DDX24: variants seen among roughly 807,000 people sequenced by gnomAD.
DDX24 encodes the protein DEAD-box helicase 24.
In DDX24, 24 loss-of-function variants were observed where a neutral mutation model predicts 68.9. The observed-to-expected ratio is 0.35, with a 90% CI of 0.25 to 0.49. The LOEUF (loss-of-function observed/expected upper bound fraction) is 0.49, where lower values mean the gene tolerates loss of function less well. Among genes scored for constraint, DDX24 ranks in the 20% least tolerant of loss-of-function variants. The pLI, the probability that DDX24 is intolerant of heterozygous loss-of-function variation, is 0.99. For synonymous variants in DDX24, 395 were observed against 385.2 expected (o/e 1.03, Z -0.30); for missense variants, 989 against 1,039.0 (o/e 0.95, Z 0.66).
Position 94,051,201 on chromosome 14 carries a change from C to A in DDX24, c.2570G>T (p.Ser857Ile). Residue 857 changes from serine to isoleucine, a missense_variant, in exon 9 of 9, where the codon AGT (serine) becomes ATT (isoleucine). Physicochemically the swap from Ser to Ile is moderately radical, Grantham distance 142 (BLOSUM62 -2). This residue lies in a region of DDX24 where 691 missense variants were observed against 760.0 expected (regional missense o/e 0.91). Transcript: ENST00000621632. Reference sequence around the variant, plus strand: ...GACACACTTGACCAGTTAATTTGCACTTGTACTTGGCTGTGGCTGTTCCGG... The same window carrying A: ...GACACACTTGACCAGTTAATTTGCAATTGTACTTGGCTGTGGCTGTTCCGG... ...PQPEQPQPST[S>I]AN 6.5e-7 allele frequency: 1 copy of A among 1,542,384 alleles called. No individual in the cohort carries two copies. Among genetic ancestry groups the A allele is most frequent in the Non-Finnish European group, 8.7e-7 (1 of 1,145,550 alleles).
rs140594665 is a variant in DDX24 at position 94,053,005 on chromosome 14, C to T, written c.2301G>A (p.Met767Ile). The T allele has an allele frequency of 6.2e-7, 1 of 1,613,742 alleles. No individual in the cohort carries two copies. The highest frequency in any genetic ancestry group is 1.3e-5 in the African/African-American group (1 of 75,026). Residue 767 changes from methionine to isoleucine, a missense_variant, in exon 8 of 9, where the codon ATG (methionine) becomes ATA (isoleucine). Coordinates refer to ENST00000621632, the MANE Select transcript of DDX24 (RefSeq NM_020414.4). ...TCCCGCCCAAGGGCTTACCCTTATACATGTCTTCTTCCAGCTCAATCTCCA... is the reference window on the plus strand; with the variant it reads ...TCCCGCCCAAGGGCTTACCCTTATATATGTCTTCTTCCAGCTCAATCTCCA... ...AALEIELEED[M>I]YKGGKADQQE...
chr14:94,067,248 A>ATT (rs1885724337), intron 2 of DDX24, among the ~76,000 whole-genome samples: 1 of 151,746 alleles, frequency 6.6e-6, no homozygotes, highest in Non-Finnish European at 1.5e-5. Flanking sequence ...TCAGAGCTCA[A>ATT]AGACAAGATC....
chr14:94,052,755 C>T (rs1885410658), intron 8 of DDX24, among the ~76,000 whole-genome samples: 1 of 152,192 alleles, frequency 6.6e-6, no homozygotes, highest in Non-Finnish European at 1.5e-5. Context: ...CTGCTCCCTT[C>T]CTCACTGTAC....
chr14:94,069,059 AGAT>A (rs1398873793), intron 2 of DDX24, among the ~76,000 whole-genome samples: 1 of 152,212 alleles, frequency 6.6e-6, no homozygotes, highest in African/African-American at 2.4e-5. Flanking sequence ...AAAAAACAAA[AGAT>A]AAACAAAACA....
At chr14:94,071,356 T>G (rs776033082) in intron 2 of DDX24, among the ~76,000 whole-genome samples, 2 of 152,076 alleles carry the variant, frequency 1.3e-5, no homozygotes, top group African/African-American at 2.4e-5. Context: ...CAAAAAACAG[T>G]AGATGTTGGC....
intron 2 of DDX24, among the ~76,000 whole-genome samples, chr14:94,076,632 G>T (rs113011005): frequency 6.8e-5 from 10 of 146,692 alleles, no homozygotes; most frequent in African/African-American, 2.5e-4. Flanking sequence ...AGTGAGCCGA[G>T]ATTGGGCCAC....
rs1177242235 is a variant in DDX24 at position 94,061,548 on chromosome 14, T to C, written c.1244-482A>G. Among the ~76,000 whole-genome samples the C allele has an allele frequency of 2.6e-5, 4 of 152,212 alleles. No homozygotes were observed. In the East Asian group the frequency reaches 7.7e-4, roughly 29 times the overall value. ...ATGTGGGTAAAGGGCTTAGCAATAGTAACAACTTGGTAATTAATTGCTGCT... is the reference window on the plus strand; with the variant it reads ...ATGTGGGTAAAGGGCTTAGCAATAGCAACAACTTGGTAATTAATTGCTGCT... On this transcript the variant is annotated intron_variant, in intron 3 of 8. Coordinates refer to ENST00000621632, the MANE Select transcript of DDX24 (RefSeq NM_020414.4).
intron 2 of DDX24, among the ~76,000 whole-genome samples, chr14:94,072,790 C>T (rs1885859396): frequency 1.3e-5 from 2 of 152,146 alleles, no homozygotes; most frequent in Non-Finnish European, 2.9e-5. Flanking sequence ...GATAGCACTA[C>T]TGCACTCCAG....
chr14:94,064,210 A>G (rs1369537073), intron 2 of DDX24, among the ~76,000 whole-genome samples: 2 of 152,248 alleles, frequency 1.3e-5, no homozygotes, highest in African/African-American at 4.8e-5. Context: ...AATGGTATCT[A>G]TGCATATATA....
chr14:94,060,980 T>A lies in DDX24; in HGVS notation c.1330A>T (p.Thr444Ser), dbSNP rs1050538382. 1.2e-6 allele frequency: 2 copies of A among 1,614,046 alleles called. No homozygotes were observed. Among genetic ancestry groups the A allele is most frequent in the Admixed American group, 3.3e-5 (2 of 60,010 alleles). Residue 444 changes from threonine (T) to serine (S), a missense_variant, in exon 4 of 9, where the codon ACT becomes TCT. Physicochemically the swap from Thr to Ser is moderately conservative, Grantham distance 58 (BLOSUM62 1). Coordinates refer to ENST00000621632, the MANE Select transcript of DDX24 (RefSeq NM_020414.4). ...LNRRPEIVVA[T>S]PGRLWELIKE... is the part of the protein sequence containing the mutation. ...ATTAATTCCCACAGCCGGCCTGGAG[T>A]AGCAACCACAATCTCAGGACGACGG...
chr14:94,080,820 C>G (rs1184193825), intron 1 of DDX24, among the ~76,000 whole-genome samples: 1 of 152,244 alleles, frequency 6.6e-6, no homozygotes, highest in Non-Finnish European at 1.5e-5. Context: ...AGAAGGGCCT[C>G]TGTCTCCTCG....
intron 2 of DDX24, among the ~76,000 whole-genome samples, chr14:94,074,580 A>G (rs1418748972): frequency 3.3e-5 from 5 of 152,234 alleles, no homozygotes; most frequent in Non-Finnish European, 7.3e-5. Context: ...ACGTGATAAA[A>G]AGCACCTACA....
rs1885377504 is a variant in DDX24, at chr14:94,051,077, G to C, written c.*114C>G. On this transcript the variant is annotated 3_prime_UTR_variant, in exon 9 of 9. Coordinates refer to ENST00000621632, the MANE Select transcript of DDX24 (RefSeq NM_020414.4). ...TCCCGCTATGGGTGTGAGTGGAAGA[G>C]AGGGAGACTTTTTTACCTGGGGTTG... The C allele has an allele frequency of 7.6e-7, 1 of 1,314,476 alleles. No individual in the cohort carries two copies. The highest frequency in any genetic ancestry group is 1.5e-5 in the African/African-American group (1 of 66,790). 81.4% of individuals were successfully genotyped at this position (1,314,476 alleles called of 1,614,324 possible). A position where few individuals can be genotyped will look rare whatever the true frequency, so the allele number is the denominator to read the frequency against.
In DDX24 at chr14:94,051,381, G is replaced by C. The variant is rs777761095; in HGVS notation, c.2390C>G (p.Ser797Cys). The change falls in exon 9 of 9, where the codon TCC (serine) becomes TGC (cysteine). Residue 797 changes from serine to cysteine, a missense_variant. Ser to Cys is a moderately radical substitution (Grantham distance 112). Around this residue, in one of 3 missense-constraint regions of DDX24, gnomAD observed 691 missense variants for 760.0 expected, o/e 0.91. Transcript: ENST00000621632. ...CTGGCTCTCCGTAAACAGTGGCTGG[G>C]ACAGCAGGTGGCGCAGCTCCTTCTT... ...VLKKELRHLL[S>C]QPLFTESQKT... The C allele has an allele frequency of 6.2e-7, 1 of 1,611,384 alleles. No individual in the cohort carries two copies. Among genetic ancestry groups the C allele is most frequent in the Non-Finnish European group, 8.5e-7 (1 of 1,179,146 alleles).
chr14:94,077,555 T>C (rs1004209467), intron 2 of DDX24, among the ~76,000 whole-genome samples: 1 of 152,230 alleles, frequency 6.6e-6, no homozygotes, highest in Admixed American at 6.5e-5. Flanking sequence ...GAGGCTGAGT[T>C]TTCTCATCTG....
chr14:94,066,389 G>A (rs1278442261), intron 2 of DDX24, among the ~76,000 whole-genome samples: 1 of 152,112 alleles, frequency 6.6e-6, no homozygotes, highest in Non-Finnish European at 1.5e-5. Context: ...CCCACATGAT[G>A]GTCCTTCCCT....
intron 1 of DDX24, among the ~76,000 whole-genome samples, chr14:94,080,505 G>C (rs909568004): frequency 6.6e-6 from 1 of 152,062 alleles, no homozygotes; most frequent in South Asian, 2.1e-4. Flanking sequence ...GTGGCTCTGC[G>C]GTGGACGTAT....
chr14:94,062,555 T>C lies in DDX24; in HGVS notation c.785A>G (p.Asn262Ser). ...GGTGTTACTTGGAGGAGGGGCAGCA[T>C]TCCTCTTCTGCCACTGCAACACCGC... ...IHAVLQWQKRNAAPPPSNTEA... is the reference protein window; with the variant it reads ...IHAVLQWQKRSAAPPPSNTEA... The change falls in exon 3 of 9, where the codon AAT becomes AGT. Residue 262 changes from asparagine (N) to serine (S), a missense_variant. This residue lies in a region of DDX24 where 691 missense variants were observed against 760.0 expected (regional missense o/e 0.91). Coordinates refer to ENST00000621632, the MANE Select transcript of DDX24 (RefSeq NM_020414.4). 6.2e-7 allele frequency: 1 copy of C among 1,614,176 alleles called. No homozygotes were observed. Among genetic ancestry groups the C allele is most frequent in the South Asian group, 1.1e-5 (1 of 91,076 alleles).
At chr14:94,067,498 C>A (rs890149938) in intron 2 of DDX24, among the ~76,000 whole-genome samples, 1 of 152,124 alleles carries the variant, frequency 6.6e-6, no homozygotes, top group African/African-American at 2.4e-5. Context: ...CTGGGAAATT[C>A]ACTGCAAAAA....
Sources: allele counts gnomAD v4.1 joint callset (sites outside exome capture counted in the v4.1 genomes callset), GRCh38; gene constraint gnomAD v4.1.1; regional missense constraint gnomAD v4.1.1; transcripts MANE v1.5; gene names NCBI Gene and HGNC (gene_info 2026-07-23, HGNC 2026-07-21).